Variants in ZNF423 observed in about 807,000 individuals in gnomAD.
ZNF423 encodes zinc finger protein 423, also known as Ebf-associated zinc finger protein.
In ZNF423, 12 loss-of-function variants were observed where a neutral mutation model predicts 95.8. The observed-to-expected ratio is 0.13, with a 90% CI of 0.08 to 0.20. The LOEUF is 0.20. Ranked by LOEUF, ZNF423 falls within the 10% of genes least tolerant of loss-of-function variation. ZNF423 has a pLI of 1.00. For missense variants in ZNF423, 1,316 were observed against 1,737.1 expected, an observed-to-expected ratio of 0.76 and a Z score of 4.31; for synonymous variants, 749 against 711.9, an observed-to-expected ratio of 1.05 and a Z score of -0.83.
rs61428028 is a variant in ZNF423, at chr16:49,615,130, T to TCACACACACACACACA, written c.3601+11024_3601+11039dup. On this transcript the variant is annotated intron_variant, in intron 5 of 7. Transcript: ENST00000563137. The stretch of plus-strand genomic sequence containing the variant: ...TGGGCAACAAGAAAGAAACTCCATC[T>TCACACACACACACACA]CACACACACACACACACACACACAC... Among the ~76,000 whole-genome samples the TCACACACACACACACA allele has an allele frequency of 2.8e-3, 396 of 141,238 alleles. 4 individuals carry two copies. The highest frequency in any genetic ancestry group is 7.8e-3 in the African/African-American group (286 of 36,776). The allele number at this position is 141,238 out of a possible 152,430, so 92.7% of individuals were successfully genotyped here.
At chr16:49,505,422 T>G (rs1028915301) in intron 7 of ZNF423, among the ~76,000 whole-genome samples, 2 of 152,192 alleles carry the variant, frequency 1.3e-5, no homozygotes, top group African/African-American at 4.8e-5. Context: ...TTCTAGAAAA[T>G]TAAGTCCTAC....
chr16:49,669,069 T>G (rs548008948), intron 3 of ZNF423, among the ~76,000 whole-genome samples: 1 of 152,108 alleles, frequency 6.6e-6, no homozygotes, highest in Non-Finnish European at 1.5e-5. Context: ...GCAGCTCATG[T>G]CTGTAATCCT....
intron 5 of ZNF423, among the ~76,000 whole-genome samples, chr16:49,540,877 C>T (rs1048754401): frequency 6.6e-6 from 1 of 152,146 alleles, no homozygotes; most frequent in Non-Finnish European, 1.5e-5. Context: ...ATCCAAGACA[C>T]CATGGAGAGG....
chr16:49,740,651 T>C (rs2033395862), intron 2 of ZNF423, among the ~76,000 whole-genome samples: 1 of 152,200 alleles, frequency 6.6e-6, no homozygotes, highest in African/African-American at 2.4e-5. Flanking sequence ...GACCCCGGTG[T>C]CCCTATCGGT....
chr16:49,755,676 T>G (rs1052867451), intron 2 of ZNF423, among the ~76,000 whole-genome samples: 1 of 152,318 alleles, frequency 6.6e-6, no homozygotes, highest in Non-Finnish European at 1.5e-5. Context: ...ACAGGGTGTG[T>G]GCTCTTTTGT....
chr16:49,649,833 G>C (rs902083673), intron 3 of ZNF423, among the ~76,000 whole-genome samples: 19 of 152,204 alleles, frequency 1.2e-4, no homozygotes, highest in African/African-American at 4.6e-4. Flanking sequence ...TTTCCTCAGA[G>C]GTAAGCCAAG....
chr16:49,558,895 G>T (rs983383741), intron 5 of ZNF423, among the ~76,000 whole-genome samples: 2 of 152,134 alleles, frequency 1.3e-5, no homozygotes, highest in African/African-American at 2.4e-5. Flanking sequence ...GCGGGGTTTT[G>T]GGGGGGTCCC....
chr16:49,660,839 GA>G (rs1424133383), intron 3 of ZNF423, among the ~76,000 whole-genome samples: 1 of 146,016 alleles, frequency 6.8e-6, no homozygotes, highest in Non-Finnish European at 1.5e-5. Flanking sequence ...GGTGTGGGGG[GA>G]TGGGGGGGGA....
At chr16:49,652,349 AG>A in intron 3 of ZNF423, among the ~76,000 whole-genome samples, 1 of 134,874 alleles carries the variant, frequency 7.4e-6, no homozygotes, top group Admixed American at 7.4e-5. Flanking sequence ...AGACTAGGAA[AG>A]GGGAAAAAAA....
intron 3 of ZNF423, among the ~76,000 whole-genome samples, chr16:49,726,367 C>A (rs1270027451): frequency 6.6e-6 from 1 of 152,156 alleles, no homozygotes; most frequent in Non-Finnish European, 1.5e-5. Context: ...ACATAAAAAA[C>A]CACCATCACC....
At chr16:49,510,819 C>T (rs1331246577) in intron 7 of ZNF423, among the ~76,000 whole-genome samples, 3 of 152,218 alleles carry the variant, frequency 2.0e-5, no homozygotes, top group Admixed American at 2.0e-4. Flanking sequence ...GTGGTCCCGG[C>T]TGAGGCAGCG....
At chr16:49,689,841 T>C (rs991342715) in intron 3 of ZNF423, among the ~76,000 whole-genome samples, 19 of 152,090 alleles carry the variant, frequency 1.2e-4, no homozygotes, top group African/African-American at 4.6e-4. Flanking sequence ...AAGGCAGTCC[T>C]CCCTCAGAAT....
rs1470721000 is a variant in ZNF423 at position 49,489,695 on chromosome 16, A to G, written c.*1580T>C. 1.3e-5 allele frequency: 2 copies of G among 152,216 alleles called. No individual in the cohort carries two copies. The highest frequency in any genetic ancestry group is 4.8e-5 in the African/African-American group (2 of 41,450). The allele number at this position is 152,216 out of a possible 1,614,324, so 9.4% of individuals were successfully genotyped here. ...TTAGTATTACATTATAATTAGGTGC[A>G]ATCTGTCTGCCTGTTTCATTTCCGC... On this transcript the variant is annotated 3_prime_UTR_variant, in exon 8 of 8. Coordinates refer to ENST00000563137, the MANE Select transcript of ZNF423 (RefSeq NM_001379286.1).
At chr16:49,799,326 G>A (rs1277208770) in intron 1 of ZNF423, among the ~76,000 whole-genome samples, 1 of 152,178 alleles carries the variant, frequency 6.6e-6, no homozygotes, top group Non-Finnish European at 1.5e-5. Flanking sequence ...CAGGTTCCTG[G>A]CTGGCTGCTG....
chr16:49,645,911 C>T (rs946730531), intron 3 of ZNF423, among the ~76,000 whole-genome samples: 13 of 152,218 alleles, frequency 8.5e-5, no homozygotes, highest in Non-Finnish European at 1.8e-4. Flanking sequence ...TTTGTTTCCC[C>T]TTCCAACATG....
intron 5 of ZNF423, among the ~76,000 whole-genome samples, chr16:49,576,698 AC>A (rs749599574): frequency 1.3e-5 from 2 of 152,136 alleles, no homozygotes; most frequent in Non-Finnish European, 2.9e-5. Context: ...TTCAAGTCCT[AC>A]CTTTGACTTT....
chr16:49,801,607 T>C (rs1048241717), intron 1 of ZNF423, among the ~76,000 whole-genome samples: 16 of 152,162 alleles, frequency 1.1e-4, no homozygotes, highest in Non-Finnish European at 2.1e-4. Context: ...AATAGCAGCA[T>C]TACCTAGGAG....
At chr16:49,816,831 G>T (rs1378104868) in intron 1 of ZNF423, among the ~76,000 whole-genome samples, 1 of 152,102 alleles carries the variant, frequency 6.6e-6, no homozygotes, top group Non-Finnish European at 1.5e-5. Context: ...TCTTAGTCTA[G>T]AGGAGAGGCC....
rs536996553 is a variant in ZNF423 at position 49,689,898 on chromosome 16, G to A, written c.301+40873C>T. ...AAGTCCTGAAAGGCTCCCAGGCAGT[G>A]ACCCAGCTCTGCCACCAGATAGCTC... On this transcript the variant is annotated intron_variant, in intron 3 of 7. Transcript: ENST00000563137. 6.3e-4 allele frequency among the ~76,000 whole-genome samples: 96 copies of A among 152,294 alleles called. 1 individual carries two copies. In the South Asian group the frequency reaches 0.019, roughly 31 times the overall value.
Sources: gnomAD v4.1 joint callset for allele counts (sites outside exome capture counted in the v4.1 genomes callset) on GRCh38, gnomAD v4.1.1 for gene constraint, MANE v1.5 for transcripts, NCBI Gene and HGNC (gene_info 2026-07-23, HGNC 2026-07-21) for gene names.